Variants in NLN observed in about 807,000 individuals in gnomAD.
NLN encodes the protein neurolysin.
In NLN, 64 loss-of-function variants were observed where a neutral mutation model predicts 79.9. The observed-to-expected ratio is 0.80, with a 90% CI of 0.65 to 0.99. The LOEUF is 0.99. NLN is among the 50% of genes least tolerant of loss of function. The probability of loss-of-function intolerance (pLI) is 0.00; values close to 1 mark genes in which losing one functional copy is unlikely to be tolerated. For missense variants in NLN, 835 were observed against 858.7 expected (o/e 0.97, Z 0.34); for synonymous variants, 267 against 296.6 (o/e 0.90, Z 1.02).
chr5:65,770,390 A>G (rs1759541546), intron 3 of NLN, among the ~76,000 whole-genome samples: 1 of 152,230 alleles, frequency 6.6e-6, no homozygotes, highest in African/African-American at 2.4e-5. Flanking sequence ...TTCAACAGAA[A>G]CGCACATAGC....
chr5:65,746,807 A>G (rs1680155944), intron 1 of NLN, among the ~76,000 whole-genome samples: 1 of 152,048 alleles, frequency 6.6e-6, no homozygotes, highest in South Asian at 2.1e-4. Flanking sequence ...GATCGAGACC[A>G]TCCTGGCTAA....
chr5:65,763,888 C>A (rs1486156556), intron 3 of NLN, among the ~76,000 whole-genome samples: 1 of 152,078 alleles, frequency 6.6e-6, no homozygotes, highest in African/African-American at 2.4e-5. Flanking sequence ...TCATATCAGA[C>A]AAGCATTTTT....
At chr5:65,741,011 G>A (rs1219383924) in intron 1 of NLN, 1 of 153,564 alleles carries the variant, frequency 6.5e-6, no homozygotes, top group Non-Finnish European at 1.5e-5. Flanking sequence ...GTAAGTAACT[G>A]GGATTACAGG....
intron 6 of NLN, among the ~76,000 whole-genome samples, chr5:65,783,911 AATAATT>A (rs1263510225): frequency 6.6e-6 from 1 of 152,190 alleles, no homozygotes; most frequent in African/African-American, 2.4e-5. Context: ...TTAAAATAAT[AATAATT>A]ATAACAGATA....
intron 1 of NLN, among the ~76,000 whole-genome samples, chr5:65,741,991 G>A (rs1758877909): frequency 1.3e-5 from 2 of 151,998 alleles, no homozygotes; most frequent in Non-Finnish European, 2.9e-5. Flanking sequence ...TTTGTAATGT[G>A]AACCTTTTCT....
chr5:65,820,209 AT>A (rs1760762926), intron 12 of NLN, among the ~76,000 whole-genome samples: 1 of 152,168 alleles, frequency 6.6e-6, no homozygotes, highest in Non-Finnish European at 1.5e-5. Context: ...TTTCATTTCA[AT>A]TTTCCTTAAT....
chr5:65,726,992 T>A (rs1758486775), intron 1 of NLN, among the ~76,000 whole-genome samples: 1 of 147,398 alleles, frequency 6.8e-6, no homozygotes, highest in Non-Finnish European at 1.5e-5. Context: ...AGAGCTGCTA[T>A]ATCCCCTTCC....
intron 1 of NLN, among the ~76,000 whole-genome samples, chr5:65,725,222 G>T (rs574748188): frequency 1.2e-4 from 18 of 152,252 alleles, no homozygotes; most frequent in African/African-American, 3.6e-4. Flanking sequence ...GGTTTAAGAT[G>T]AAGAAAATCC....
rs1760844892 is a variant in NLN at position 65,823,476 on chromosome 5, GATTCCCAACTTTCTGCCACACT to G, written c.*562_*583del. 6.6e-6 allele frequency: 1 copy of G among 152,206 alleles called. No individual in the cohort carries two copies. The highest frequency in any genetic ancestry group is 2.4e-5 in the African/African-American group (1 of 41,436). 9.4% of individuals were successfully genotyped at this position (152,206 alleles called of 1,614,324 possible). A position where few individuals can be genotyped will look rare whatever the true frequency, so the allele number is the denominator to read the frequency against. On this transcript the variant is annotated 3_prime_UTR_variant, in exon 13 of 13. Coordinates refer to ENST00000380985, the MANE Select transcript of NLN (RefSeq NM_020726.5). ...TTTATCTTTGTATATCAGGCCGCAT[GATTCCCAACTTTCTGCCACACT>G]TAAATTACGTTCCTCCATTTCAGTT...
chr5:65,790,641 G>A (rs111923718), intron 8 of NLN, among the ~76,000 whole-genome samples: 6,216 of 152,236 alleles, frequency 0.041, 281 homozygotes, highest in African/African-American at 0.12. Context: ...TGGGGATTAT[G>A]AGAACTACAA....
intron 1 of NLN, among the ~76,000 whole-genome samples, chr5:65,755,430 CAT>C (rs1437067610): frequency 6.6e-6 from 1 of 152,142 alleles, no homozygotes; most frequent in Non-Finnish European, 1.5e-5. Flanking sequence ...TATAAGGAAA[CAT>C]ATAAGTAGTA....
intron 8 of NLN, among the ~76,000 whole-genome samples, chr5:65,789,123 AC>A (rs1760000031): frequency 6.6e-6 from 1 of 152,096 alleles, no homozygotes; most frequent in Non-Finnish European, 1.5e-5. Context: ...ACAGAGCTAG[AC>A]CCTATCTCTA....
chr5:65,811,052 A>G (rs1760533832), intron 11 of NLN, among the ~76,000 whole-genome samples: 1 of 152,216 alleles, frequency 6.6e-6, no homozygotes, highest in South Asian at 2.1e-4. Flanking sequence ...CAGTTAAAGC[A>G]TTTGACTAGC....
chr5:65,798,205 T>C (rs1217975684), intron 9 of NLN, among the ~76,000 whole-genome samples: 1 of 152,220 alleles, frequency 6.6e-6, no homozygotes, highest in African/African-American at 2.4e-5. Flanking sequence ...TTCATTCATT[T>C]TTATCTTCAC....
intron 12 of NLN, among the ~76,000 whole-genome samples, chr5:65,814,265 CCTT>C (rs1438718160): frequency 6.6e-6 from 1 of 152,084 alleles, no homozygotes; most frequent in Non-Finnish European, 1.5e-5. Context: ...AGGCCCTCGT[CCTT>C]CTTCTTTACC....
chr5:65,722,450 C>A (rs1239932100), intron 1 of NLN, 36 bp downstream of exon 1: 2 of 1,555,576 alleles, frequency 1.3e-6, no homozygotes, highest in East Asian at 2.5e-5. Context: ...TGGCCGTGGG[C>A]AGGGCGGGGT....
In NLN at chr5:65,823,329, A is replaced by T. The variant is rs16894381; in HGVS notation, c.*414A>T. The T allele has an allele frequency of 4.1e-3, 642 of 157,852 alleles. 4 individuals carry two copies. Among genetic ancestry groups the T allele is most frequent in the African/African-American group, 0.015 (624 of 41,580 alleles). The allele number at this position is 157,852 out of a possible 1,614,324, so 9.8% of individuals were successfully genotyped here. Reference sequence around the variant, plus strand: ...TCTGGACTGATAAATGAATCATCACATTCTTCTGGTAAATATTTTCTTGGA... The same window carrying T: ...TCTGGACTGATAAATGAATCATCACTTTCTTCTGGTAAATATTTTCTTGGA... On this transcript the variant is annotated 3_prime_UTR_variant, in exon 13 of 13. Coordinates refer to ENST00000380985, the MANE Select transcript of NLN (RefSeq NM_020726.5).
chr5:65,742,833 A>T (rs1000277919), intron 1 of NLN, among the ~76,000 whole-genome samples: 1 of 152,124 alleles, frequency 6.6e-6, no homozygotes, highest in African/African-American at 2.4e-5. Context: ...TCACATAATT[A>T]CTTTTCTTCA....
chr5:65,737,213 C>T (rs1057191615), intron 1 of NLN, among the ~76,000 whole-genome samples: 6 of 152,160 alleles, frequency 3.9e-5, no homozygotes, highest in Admixed American at 3.3e-4. Flanking sequence ...GTGGATAAGA[C>T]AGAAACTGCT....
Sources: allele counts gnomAD v4.1 joint callset (sites outside exome capture counted in the v4.1 genomes callset), GRCh38; gene constraint gnomAD v4.1.1; transcripts MANE v1.5; gene names NCBI Gene and HGNC (gene_info 2026-07-23, HGNC 2026-07-21).